The following AP1G1 variants were observed in gnomAD, a reference collection of about 807,000 sequenced individuals.
The protein encoded by AP1G1 is AP-1 complex subunit gamma-1.
Under a neutral mutation model 108.3 loss-of-function variants are expected in AP1G1, and 7 were observed. The ratio of observed to expected loss-of-function variants is 0.06; its 90% CI spans 0.04 to 0.12. The LOEUF (loss-of-function observed/expected upper bound fraction) is 0.12, where lower values mean the gene tolerates loss of function less well. Ranked by LOEUF, AP1G1 falls within the 10% of genes least tolerant of loss-of-function variation. The probability of loss-of-function intolerance (pLI) is 1.00; values close to 1 mark genes in which losing one functional copy is unlikely to be tolerated. For missense variants in AP1G1, 756 were observed against 1,010.7 expected (o/e 0.75, Z 3.42); for synonymous variants, 379 against 353.5 (o/e 1.07, Z -0.81).
At chr16:71,794,222 T>A (rs964168688) in intron 1 of AP1G1, among the ~76,000 whole-genome samples, 1 of 152,242 alleles carries the variant, frequency 6.6e-6, no homozygotes, top group African/African-American at 2.4e-5. Flanking sequence ...AAAGGTATGT[T>A]AAAGTCTACC....
At chr16:71,738,219 T>C (rs2045574427) in intron 21 of AP1G1, among the ~76,000 whole-genome samples, 1 of 147,140 alleles carries the variant, frequency 6.8e-6, no homozygotes, top group African/African-American at 2.5e-5. Context: ...CCCGGCTAAT[T>C]TTTTTTTTTT....
intron 1 of AP1G1, among the ~76,000 whole-genome samples, chr16:71,796,865 A>T (rs1178472989): frequency 6.6e-6 from 1 of 152,138 alleles, no homozygotes; most frequent in Non-Finnish European, 1.5e-5. Flanking sequence ...ACAATTCAAC[A>T]GCACTGAGAT....
chr16:71,776,103 A>G (rs2031771784), intron 2 of AP1G1, among the ~76,000 whole-genome samples: 1 of 152,234 alleles, frequency 6.6e-6, no homozygotes, highest in Non-Finnish European at 1.5e-5. Flanking sequence ...AGGGGCTCAA[A>G]TGGATACCTG....
At chr16:71,766,938 TG>T (rs1404769015) in intron 6 of AP1G1, among the ~76,000 whole-genome samples, 1 of 152,228 alleles carries the variant, frequency 6.6e-6, no homozygotes, top group Non-Finnish European at 1.5e-5. Flanking sequence ...CTGTCAACTA[TG>T]GGCAAAGTTA....
Position 71,764,436 on chromosome 16 carries a change from T to C in AP1G1, c.832A>G (p.Thr278Ala). 1.2e-6 allele frequency: 2 copies of C among 1,605,656 alleles called. No individual in the cohort carries two copies. Among genetic ancestry groups the C allele is most frequent in the Non-Finnish European group, 1.7e-6 (2 of 1,174,364 alleles). The change falls in exon 9 of 23, where the codon ACT becomes GCT. Residue 278 changes from threonine to alanine, a missense_variant. This residue lies in a region of AP1G1 where 304 missense variants were observed against 483.6 expected (regional missense o/e 0.63). Transcript: ENST00000299980. ...NDILAQVATN[T>A]ETSKNVGNAI... The stretch of plus-strand genomic sequence containing the variant: ...TTTCCTACATTTTTACTAGTCTCAG[T>C]ATTAGTGGCAACCTGAAAAGACATA...
intron 2 of AP1G1, among the ~76,000 whole-genome samples, chr16:71,782,941 G>C (rs1268308849): frequency 6.6e-6 from 1 of 152,032 alleles, no homozygotes; most frequent in East Asian, 1.9e-4. Context: ...TCCTTACCCT[G>C]GATTTGGGAT....
At chr16:71,756,667 C>T (rs1408508319) in intron 11 of AP1G1, among the ~76,000 whole-genome samples, 1 of 152,092 alleles carries the variant, frequency 6.6e-6, no homozygotes, top group African/African-American at 2.4e-5. Flanking sequence ...CAAGGCCGAG[C>T]GTGGTGGCTC....
chr16:71,789,594 A>G, intron 1 of AP1G1, 112 bp from the exon 2 acceptor site: 1 of 1,092,308 alleles, frequency 9.2e-7, no homozygotes, highest in Non-Finnish European at 1.3e-6. Flanking sequence ...AAGACTTGCC[A>G]AATCCAGCTT....
Position 71,749,953 on chromosome 16 carries a change from T to C in AP1G1, c.1438A>G (p.Ile480Val), listed in dbSNP as rs760217309. The C allele has an allele frequency of 1.2e-5, 19 of 1,613,504 alleles. No individual in the cohort carries two copies. Among genetic ancestry groups the C allele is most frequent in the East Asian group, 4.5e-5 (2 of 44,890 alleles). The change falls in exon 15 of 23, where the codon ATA becomes GTA. Residue 480 changes from isoleucine to valine, a missense_variant. Transcript: ENST00000299980. ...ACAAGAAGATCACCATATTCACCTA[T>C]ACACCATGCAGCCACTTGTACCAAA... ...QPLVQVAAWC[I>V]GEYGDLLVSG...
intron 2 of AP1G1, among the ~76,000 whole-genome samples, chr16:71,774,998 G>C (rs1466804962): frequency 6.7e-6 from 1 of 148,304 alleles, no homozygotes; most frequent in African/African-American, 2.5e-5. Context: ...TGGGATTACA[G>C]GCATGAGCCA....
At chr16:71,796,609 T>C (rs568986749) in intron 1 of AP1G1, among the ~76,000 whole-genome samples, 1 of 152,274 alleles carries the variant, frequency 6.6e-6, no homozygotes, top group East Asian at 1.9e-4. Flanking sequence ...GATGAACTAC[T>C]AAAATGGAAT....
rs746729938 is a variant in AP1G1 at position 71,771,257 on chromosome 16, G to GA, written c.469-6dup. ...ATGAACAGCACACAGTGCTGCCTAT[G>GA]AAAAAAAAAATAAAAGAACAAAAGG... On this transcript the variant is annotated splice_region_variant and splice_polypyrimidine_tract_variant and intron_variant, in intron 4 of 22. Transcript: ENST00000299980. The GA allele has an allele frequency of 2.6e-4, 352 of 1,380,310 alleles. No homozygotes were observed. The highest frequency in any genetic ancestry group is 3.0e-4 in the Non-Finnish European group (313 of 1,030,644). 85.5% of individuals were successfully genotyped at this position (1,380,310 alleles called of 1,614,324 possible).
chr16:71,771,090 A>T, intron 5 of AP1G1, 66 bp downstream of exon 5: 1 of 994,660 alleles, frequency 1.0e-6, no homozygotes, highest in Non-Finnish European at 1.5e-6. Context: ...GGACTAACAT[A>T]GCCTTAAGCC....
At chr16:71,793,342 T>C (rs2032470400) in intron 1 of AP1G1, among the ~76,000 whole-genome samples, 1 of 152,096 alleles carries the variant, frequency 6.6e-6, no homozygotes, top group Non-Finnish European at 1.5e-5. Context: ...CACTATAACA[T>C]CTACTTTACT....
intron 1 of AP1G1, chr16:71,808,332 A>T (rs2033069858): frequency 1.3e-6 from 1 of 758,258 alleles, no homozygotes; most frequent in Admixed American, 4.2e-5. Flanking sequence ...GGGCATTTGG[A>T]TATGCTGGGA....
chr16:71,786,389 G>C lies in AP1G1; in HGVS notation c.201+2890C>G, dbSNP rs527762948. 7.2e-5 allele frequency among the ~76,000 whole-genome samples: 11 copies of C among 152,214 alleles called. No individual in the cohort carries two copies. The South Asian group carries it at 2.3e-3, about 32-fold the overall frequency. On this transcript the variant is annotated intron_variant, in intron 2 of 22. Transcript: ENST00000299980. ...ACCTATAATCACAGCACTTTGGGAG[G>C]TTGAGGCCCAAAGATCACTTGAGCC... is the stretch of plus-strand genomic sequence containing the variant.
chr16:71,775,232 A>G (rs897504134), intron 2 of AP1G1, among the ~76,000 whole-genome samples: 1 of 149,156 alleles, frequency 6.7e-6, no homozygotes, highest in African/African-American at 2.5e-5. Context: ...GGGTTTCAAC[A>G]TGTTGGCCAG....
At chr16:71,758,995 AAAAG>A (rs762540628) in intron 10 of AP1G1, 74 bp from the exon 11 acceptor site, 84 of 815,640 alleles carry the variant, frequency 1.0e-4, no homozygotes, top group Admixed American at 5.4e-4. Context: ...TTAAATAATA[AAAAG>A]AAAGACGTCT....
intron 1 of AP1G1, among the ~76,000 whole-genome samples, chr16:71,805,663 T>A (rs979700013): frequency 2.0e-5 from 3 of 152,204 alleles, no homozygotes; most frequent in Non-Finnish European, 4.4e-5. Flanking sequence ...TGTTTTGGTA[T>A]GTAGATTGCC....
Sources: gnomAD v4.1 joint callset for allele counts (sites outside exome capture counted in the v4.1 genomes callset) on GRCh38, gnomAD v4.1.1 for gene constraint, gnomAD v4.1.1 regional missense constraint, MANE v1.5 for transcripts, NCBI Gene and HGNC (gene_info 2026-07-23, HGNC 2026-07-21) for gene names.